Variants in MTSS2 observed in about 807,000 individuals in gnomAD.
The protein encoded by MTSS2 is protein MTSS 2.
A neutral mutation model predicts 67.1 loss-of-function variants in MTSS2; 27 were observed. The ratio of observed to expected loss-of-function variants is 0.40; its 90% CI spans 0.30 to 0.55. The LOEUF (loss-of-function observed/expected upper bound fraction) is 0.55. Ranked by LOEUF, MTSS2 falls within the 20% of genes least tolerant of loss-of-function variation. The pLI, the probability that MTSS2 is intolerant of heterozygous loss-of-function variation, is 0.43. For synonymous variants in MTSS2, 624 were observed against 468.6 expected (o/e 1.33, Z -4.28); for missense variants, 1,171 against 1,067.8 (o/e 1.10, Z -1.35).
chr16:70,684,633 T>C (rs552416262), intron 1 of MTSS2, among the ~76,000 whole-genome samples: 1 of 151,314 alleles, frequency 6.6e-6, no homozygotes, highest in African/African-American at 2.4e-5. Flanking sequence ...CGCTGGGCTG[T>C]GGGGGTGGGG....
At chr16:70,683,173 T>C (rs1291014937) in intron 1 of MTSS2, among the ~76,000 whole-genome samples, 1 of 152,166 alleles carries the variant, frequency 6.6e-6, no homozygotes, top group African/African-American at 2.4e-5. Flanking sequence ...GGTTCAGATG[T>C]GGAGTGTGGG....
Position 70,676,875 on chromosome 16 carries a change from A to G in MTSS2, c.830+6T>C, listed in dbSNP as rs1228296872. The G allele has an allele frequency of 1.2e-6, 2 of 1,611,762 alleles. No individual in the cohort carries two copies. Among genetic ancestry groups the G allele is most frequent in the African/African-American group, 2.7e-5 (2 of 74,798 alleles). ...CCACACCCCTGGGAACCCCACCCCCACTGACCTGCACATGCTGGACTTCCG... is the reference window on the plus strand; with the variant it reads ...CCACACCCCTGGGAACCCCACCCCCGCTGACCTGCACATGCTGGACTTCCG... On this transcript the variant is annotated splice_donor_region_variant and intron_variant, in intron 10 of 14. Coordinates refer to ENST00000338779, the MANE Select transcript of MTSS2 (RefSeq NM_138383.3).
chr16:70,666,264 C>T (rs2052710743), intron 11 of MTSS2, among the ~76,000 whole-genome samples: 1 of 152,040 alleles, frequency 6.6e-6, no homozygotes, highest in South Asian at 2.1e-4. Context: ...CATGGAGACC[C>T]CGAGGAGAAC....
intron 11 of MTSS2, among the ~76,000 whole-genome samples, chr16:70,668,540 CCTGA>C (rs1317644735): frequency 6.6e-6 from 1 of 152,108 alleles, no homozygotes; most frequent in African/African-American, 2.4e-5. Context: ...CCTACAGACA[CCTGA>C]CTGATGATGA....
chr16:70,684,350 CA>C (rs1486342942), intron 1 of MTSS2, among the ~76,000 whole-genome samples: 2 of 137,862 alleles, frequency 1.5e-5, no homozygotes, highest in Admixed American at 7.7e-5. Context: ...ATGGGGGTCC[CA>C]GGGGGAGTGC....
At chr16:70,677,945 C>A in intron 8 of MTSS2, 46 bp from the exon 9 acceptor site, 2 of 1,425,868 alleles carry the variant, frequency 1.4e-6, no homozygotes, top group Non-Finnish European at 1.9e-6. Context: ...CGCCCACCTG[C>A]CCGCCTGCCC....
chr16:70,682,571 G>C (rs2053334527), intron 1 of MTSS2, among the ~76,000 whole-genome samples: 1 of 152,046 alleles, frequency 6.6e-6, no homozygotes, highest in South Asian at 2.1e-4. Flanking sequence ...GAGGGGACAA[G>C]ATGGGGCGCA....
In MTSS2 at chr16:70,674,457, G is replaced by A. The variant is rs1272983756; in HGVS notation, c.902C>T (p.Pro301Leu). The A allele has an allele frequency of 6.2e-7, 1 of 1,614,180 alleles. No individual in the cohort carries two copies. Among genetic ancestry groups the A allele is most frequent in the Middle Eastern group, 1.7e-4 (1 of 6,052 alleles). The change falls in exon 11 of 15, where the codon CCC becomes CTC. Residue 301 changes from proline (P) to leucine (L), a missense_variant. Physicochemically the swap from Pro to Leu is moderately conservative, Grantham distance 98. This residue lies in a region of MTSS2 where 924 missense variants were observed against 756.0 expected (regional missense o/e 1.22). Transcript: ENST00000338779. ...PWPGGAQTYS[P>L]SSTCRYRSLA... Reference sequence around the variant, plus strand: ...GCTGCGGTAGCGACAGGTGGAACTGGGTGAGTATGTTTGGGCACCCCCAGG... The same window carrying A: ...GCTGCGGTAGCGACAGGTGGAACTGAGTGAGTATGTTTGGGCACCCCCAGG...
At chr16:70,682,577 G>A (rs2053334731) in intron 1 of MTSS2, among the ~76,000 whole-genome samples, 1 of 151,986 alleles carries the variant, frequency 6.6e-6, no homozygotes, top group South Asian at 2.1e-4. Context: ...ACAAGATGGG[G>A]CGCAGGGGAG....
At position 70,676,906 on chromosome 16, in the gene MTSS2, T is replaced by C. The variant is rs1192420814; in HGVS notation, c.805A>G (p.Ser269Gly). The part of the protein sequence containing the change: ...QTPPSSPSSS[S>G]SRKSSMCSAP... ...CTGCACATGCTGGACTTCCGGGAGCTGGAGCTGCTGGGTGATGAGGGTGGG... is the reference window on the plus strand; with the variant it reads ...CTGCACATGCTGGACTTCCGGGAGCCGGAGCTGCTGGGTGATGAGGGTGGG... Residue 269 changes from serine (S) to glycine (G), a missense_variant, in exon 10 of 15, where the codon AGC becomes GGC. Ser to Gly is a moderately conservative substitution (Grantham distance 56, BLOSUM62 0). Coordinates refer to ENST00000338779, the MANE Select transcript of MTSS2 (RefSeq NM_138383.3). 18 of 1,613,502 alleles carry C rather than the reference T, an allele frequency of 1.1e-5. No individual in the cohort carries two copies. The highest frequency in any genetic ancestry group is 1.4e-5 in the Non-Finnish European group (17 of 1,179,956).
rs147416567 is a variant in MTSS2, at chr16:70,663,452, C to T, written c.*225G>A. On this transcript the variant is annotated 3_prime_UTR_variant, in exon 15 of 15. Transcript: ENST00000338779. ...GGACCGAAGAGCATAAAACAGACCCCGAACCAGGCCCAGGCCTGCAGGCTC... is the reference window on the plus strand; with the variant it reads ...GGACCGAAGAGCATAAAACAGACCCTGAACCAGGCCCAGGCCTGCAGGCTC... 1.1e-3 allele frequency: 900 copies of T among 797,224 alleles called. 7 individuals are homozygous for T. In the African/African-American group the frequency reaches 0.015, roughly 13 times the overall value. 49.4% of individuals were successfully genotyped at this position (797,224 alleles called of 1,614,324 possible).
At chr16:70,683,406 G>T (rs901445212) in intron 1 of MTSS2, among the ~76,000 whole-genome samples, 1 of 152,202 alleles carries the variant, frequency 6.6e-6, no homozygotes, top group African/African-American at 2.4e-5. Flanking sequence ...CAGTACGCAA[G>T]CCCTGCCCTC....
At chr16:70,669,664 A>C (rs191523451) in intron 11 of MTSS2, among the ~76,000 whole-genome samples, 1 of 152,108 alleles carries the variant, frequency 6.6e-6, no homozygotes, top group Non-Finnish European at 1.5e-5. Flanking sequence ...AAAAATACAA[A>C]AATTAGCCCA....
chr16:70,667,933 A>C (rs1597803511), intron 11 of MTSS2, among the ~76,000 whole-genome samples: 1 of 152,084 alleles, frequency 6.6e-6, no homozygotes, highest in Non-Finnish European at 1.5e-5. Flanking sequence ...AGTAAAGCCT[A>C]AACAAACAGA....
intron 10 of MTSS2, among the ~76,000 whole-genome samples, chr16:70,674,960 A>G (rs1156934202): frequency 6.6e-6 from 1 of 152,140 alleles, no homozygotes; most frequent in Non-Finnish European, 1.5e-5. Context: ...TAAAAATGCA[A>G]AAGTTAGCTG....
intron 11 of MTSS2, among the ~76,000 whole-genome samples, chr16:70,672,015 C>T (rs556605468): frequency 3.2e-4 from 48 of 152,334 alleles, no homozygotes; most frequent in African/African-American, 9.9e-4. Context: ...GAAACTGTCA[C>T]GAGCTGCAGA....
chr16:70,667,422 A>G lies in MTSS2; in HGVS notation c.1054-1882T>C, dbSNP rs540522430. 3.9e-5 allele frequency among the ~76,000 whole-genome samples: 6 copies of G among 152,336 alleles called. No homozygotes were observed. The South Asian group carries it at 8.3e-4, about 21-fold the overall frequency. On this transcript the variant is annotated intron_variant, in intron 11 of 14. Coordinates refer to ENST00000338779, the MANE Select transcript of MTSS2 (RefSeq NM_138383.3). ...ATTAGAACAAAATCCGAAAAAGATCAATCACATTTCTAAATACCAGCAGCT... is the reference window on the plus strand; with the variant it reads ...ATTAGAACAAAATCCGAAAAAGATCGATCACATTTCTAAATACCAGCAGCT...
chr16:70,666,540 G>A (rs957888442), intron 11 of MTSS2, among the ~76,000 whole-genome samples: 1 of 152,214 alleles, frequency 6.6e-6, no homozygotes, highest in African/African-American at 2.4e-5. Context: ...GCCTGGGAAT[G>A]AGCCAAGTTA....
chr16:70,662,044 G>A lies in MTSS2; in HGVS notation c.*1633C>T, dbSNP rs1305875139. 6.6e-6 allele frequency: 1 copy of A among 152,346 alleles called. No individual in the cohort carries two copies. The highest frequency in any genetic ancestry group is 1.5e-5 in the Non-Finnish European group (1 of 68,252). 9.4% of individuals were successfully genotyped at this position (152,346 alleles called of 1,614,324 possible). A position where few individuals can be genotyped will look rare whatever the true frequency, so the allele number is the denominator to read the frequency against. On this transcript the variant is annotated 3_prime_UTR_variant, in exon 15 of 15. Transcript: ENST00000338779. ...GTTGAACCTAGTGACTTACTTACAGGGACCATTCTTCATCAGCTCCCTCTG... is the reference window on the plus strand; with the variant it reads ...GTTGAACCTAGTGACTTACTTACAGAGACCATTCTTCATCAGCTCCCTCTG...
Sources: allele counts gnomAD v4.1 joint callset (sites outside exome capture counted in the v4.1 genomes callset), GRCh38; gene constraint gnomAD v4.1.1; regional missense constraint gnomAD v4.1.1; transcripts MANE v1.5; gene names NCBI Gene and HGNC (gene_info 2026-07-23, HGNC 2026-07-21).